R3HDM2: variants seen among roughly 807,000 people sequenced by gnomAD.
R3HDM2 encodes R3H domain-containing protein 2.
A neutral mutation model predicts 124.5 loss-of-function variants in R3HDM2; 38 were observed. The ratio of observed to expected loss-of-function variants is 0.31; its 90% confidence interval spans 0.24 to 0.40. The LOEUF (loss-of-function observed/expected upper bound fraction) is 0.40. R3HDM2 is among the 10% of genes least tolerant of loss of function. R3HDM2 has a pLI of 1.00. For missense variants in R3HDM2, 869 were observed against 1,236.9 expected, an observed-to-expected ratio of 0.70 and a Z score of 4.46; for synonymous variants, 391 against 448.0, an observed-to-expected ratio of 0.87 and a Z score of 1.61.
At chr12:57,301,726 T>TA (rs1385879879) in intron 4 of R3HDM2, among the ~76,000 whole-genome samples, 1 of 152,222 alleles carries the variant, frequency 6.6e-6, no homozygotes, top group Non-Finnish European at 1.5e-5. Flanking sequence ...TCAAGCCACA[T>TA]AGTGGCTGAG....
chr12:57,282,983 T>G (rs1168502607), intron 13 of R3HDM2, among the ~76,000 whole-genome samples: 2 of 152,208 alleles, frequency 1.3e-5, no homozygotes, highest in Non-Finnish European at 2.9e-5. Flanking sequence ...GAAGGTTTTG[T>G]AGCAGGAGAG....
At chr12:57,270,770 T>C (rs2043423107) in intron 14 of R3HDM2, among the ~76,000 whole-genome samples, 1 of 151,910 alleles carries the variant, frequency 6.6e-6, no homozygotes, top group African/African-American at 2.4e-5. Context: ...GATTTCACCA[T>C]GTTGGCCAGG....
intron 1 of R3HDM2, among the ~76,000 whole-genome samples, chr12:57,423,162 C>G (rs2070371110): frequency 6.6e-6 from 1 of 152,042 alleles, no homozygotes; most frequent in African/African-American, 2.4e-5. Context: ...TGGCTCATGC[C>G]TGTAATCCCA....
intron 2 of R3HDM2, among the ~76,000 whole-genome samples, chr12:57,360,707 G>C (rs1593899007): frequency 6.6e-6 from 1 of 150,960 alleles, no homozygotes; most frequent in Admixed American, 6.6e-5. Context: ...GGAAAGGAAA[G>C]GAAGAAAAAA....
intron 6 of R3HDM2, 80 bp downstream of exon 6, chr12:57,299,272 A>G: frequency 7.1e-7 from 1 of 1,412,446 alleles, no homozygotes; most frequent in South Asian, 1.3e-5. Flanking sequence ...TGGGCCAGTA[A>G]GGCTGGCAGG....
intron 2 of R3HDM2, among the ~76,000 whole-genome samples, chr12:57,359,003 C>T (rs1184641798): frequency 1.3e-5 from 2 of 151,816 alleles, no homozygotes; most frequent in Non-Finnish European, 2.9e-5. Flanking sequence ...CTGCAACCTC[C>T]ACCTCCTGGG....
chr12:57,384,938 G>A (rs1355693784), intron 2 of R3HDM2, among the ~76,000 whole-genome samples: 1 of 152,098 alleles, frequency 6.6e-6, no homozygotes, highest in African/African-American at 2.4e-5. Flanking sequence ...CACGAGGTCA[G>A]GAGTTCAAGA....
At chr12:57,390,777 G>A (rs1371271605) in intron 2 of R3HDM2, among the ~76,000 whole-genome samples, 1 of 152,162 alleles carries the variant, frequency 6.6e-6, no homozygotes, top group African/African-American at 2.4e-5. Context: ...TTTGGGAGGT[G>A]AGGCGGGTGG....
intron 2 of R3HDM2, among the ~76,000 whole-genome samples, chr12:57,352,080 A>G (rs960068545): frequency 6.6e-6 from 1 of 152,148 alleles, no homozygotes; most frequent in African/African-American, 2.4e-5. Context: ...CAGTGTATCT[A>G]TATTCTAACA....
At chr12:57,260,484 A>G (rs1253931539) in intron 19 of R3HDM2, among the ~76,000 whole-genome samples, 1 of 151,914 alleles carries the variant, frequency 6.6e-6, no homozygotes, top group African/African-American at 2.4e-5. Flanking sequence ...AAGGAGGAAC[A>G]TTAAGACCTA....
intron 2 of R3HDM2, among the ~76,000 whole-genome samples, chr12:57,349,851 C>T (rs897206791): frequency 1.3e-5 from 2 of 152,052 alleles, no homozygotes; most frequent in African/African-American, 2.4e-5. Context: ...TGAGCCACAG[C>T]GCCTGGCCAG....
chr12:57,415,467 C>T (rs994402687), intron 1 of R3HDM2: 1 of 151,874 alleles, frequency 6.6e-6, no homozygotes, highest in African/African-American at 2.4e-5. Flanking sequence ...GCTAATGTCA[C>T]TGGGTAAAAG....
At chr12:57,363,863 C>G (rs186303664) in intron 2 of R3HDM2, among the ~76,000 whole-genome samples, 13 of 151,398 alleles carry the variant, frequency 8.6e-5, no homozygotes, top group Non-Finnish European at 1.3e-4. Context: ...AAGACTCCAT[C>G]TCTTAAAAAA....
At chr12:57,387,658 A>G (rs916820303) in intron 2 of R3HDM2, among the ~76,000 whole-genome samples, 1 of 152,250 alleles carries the variant, frequency 6.6e-6, no homozygotes, top group Non-Finnish European at 1.5e-5. Flanking sequence ...CTGATACCAG[A>G]AAGTTTGAGA....
In R3HDM2 at chr12:57,390,760, C is replaced by G. The variant is rs553614895; in HGVS notation, c.-36+4989G>C. ...GGTGAGGTGGCTCACGCCTGCAATC[C>G]CAGCACTTTGGGAGGTGAGGCGGGT... On this transcript the variant is annotated intron_variant, in intron 2 of 23. Coordinates refer to ENST00000402412, the MANE Select transcript of R3HDM2 (RefSeq NM_001394031.1). Among the ~76,000 whole-genome samples the G allele has an allele frequency of 3.9e-5, 6 of 152,110 alleles. No homozygotes were observed. The South Asian group carries it at 1.2e-3, about 32-fold the overall frequency.
chr12:57,311,664 C>T (rs2053941661), intron 2 of R3HDM2, among the ~76,000 whole-genome samples: 2 of 152,146 alleles, frequency 1.3e-5, no homozygotes, highest in African/African-American at 4.8e-5. Flanking sequence ...TGAGCCATCG[C>T]ACCCAGCCTT....
chr12:57,352,534 C>T (rs1399659315), intron 2 of R3HDM2, among the ~76,000 whole-genome samples: 1 of 150,738 alleles, frequency 6.6e-6, no homozygotes, highest in African/African-American at 2.4e-5. Context: ...ACTCTGTCAC[C>T]CAGGTTGGAG....
intron 2 of R3HDM2, among the ~76,000 whole-genome samples, chr12:57,391,730 T>C (rs2066711421): frequency 6.6e-6 from 1 of 152,268 alleles, no homozygotes; most frequent in African/African-American, 2.4e-5. Context: ...ATACTCTTTT[T>C]GCAACTTCCT....
chr12:57,423,808 TAAAA>T (rs57587261), intron 1 of R3HDM2, among the ~76,000 whole-genome samples: 6 of 51,428 alleles, frequency 1.2e-4, no homozygotes, highest in African/African-American at 3.7e-4. Flanking sequence ...CTGTCTCAAT[TAAAA>T]AAAAAAAAAA....
Sources: gnomAD v4.1 joint callset for allele counts (sites outside exome capture counted in the v4.1 genomes callset) on GRCh38, gnomAD v4.1.1 for gene constraint, MANE v1.5 for transcripts, NCBI Gene and HGNC (gene_info 2026-07-23, HGNC 2026-07-21) for gene names.